EDA: variants seen among roughly 807,000 people sequenced by gnomAD.
EDA encodes the protein ectodysplasin A.
A neutral mutation model predicts 23.6 loss-of-function variants in EDA; 2 were observed. The observed-to-expected ratio is 0.08, with a 90% CI of 0.03 to 0.27. The LOEUF (loss-of-function observed/expected upper bound fraction) is 0.27, where lower values mean the gene tolerates loss of function less well. Ranked by LOEUF, EDA falls within the 10% of genes least tolerant of loss-of-function variation. The pLI is 1.00. For synonymous variants in EDA, 131 were observed against 132.0 expected (o/e 0.99, Z 0.05); for missense variants, 229 against 324.2 (o/e 0.71, Z 2.26).
intron 2 of EDA, among the ~76,000 whole-genome samples, chrX:69,997,832 A>G (rs927197096): frequency 7.1e-5 from 8 of 112,546 alleles, no homozygotes; most frequent in African/African-American, 2.6e-4. Flanking sequence ...GCAAGCCCCA[A>G]GCCATGGCAA....
intron 1 of EDA, among the ~76,000 whole-genome samples, chrX:69,669,418 C>T (rs1933803907): frequency 9.0e-6 from 1 of 111,096 alleles, no homozygotes; most frequent in South Asian, 3.8e-4. Context: ...TGAGTCCTCT[C>T]TGTTTATCAT....
chrX:69,907,081 T>C (rs2018190220), intron 1 of EDA, among the ~76,000 whole-genome samples: 1 of 111,818 alleles, frequency 8.9e-6, no homozygotes, highest in Admixed American at 9.5e-5. Flanking sequence ...TACTAGAGTT[T>C]GTAATAATGA....
chrX:69,911,927 C>T (rs920799033), intron 1 of EDA, among the ~76,000 whole-genome samples: 2 of 112,034 alleles, frequency 1.8e-5, no homozygotes, highest in Non-Finnish European at 3.8e-5. Context: ...CAATAAAGTT[C>T]GCTGCATCAA....
chrX:69,860,691 A>G (rs1370753945), intron 1 of EDA, among the ~76,000 whole-genome samples: 1 of 110,898 alleles, frequency 9.0e-6, no homozygotes, highest in Non-Finnish European at 1.9e-5. Context: ...GGAAAATCTG[A>G]TGATTATGTG....
intron 1 of EDA, among the ~76,000 whole-genome samples, chrX:69,837,299 C>T (rs1403366431): frequency 8.9e-6 from 1 of 111,768 alleles, no homozygotes; most frequent in Admixed American, 9.5e-5. Context: ...ACAGTCAGTC[C>T]ATGGTGCTGC....
intron 1 of EDA, among the ~76,000 whole-genome samples, chrX:69,843,750 C>T (rs1479905837): frequency 1.8e-5 from 2 of 111,241 alleles, no homozygotes; most frequent in Admixed American, 9.5e-5. Flanking sequence ...TAGCCGGGTG[C>T]GGTGGCTCAC....
In EDA at chrX:69,976,066, A is replaced by T. The variant is rs1432917230; in HGVS notation, c.502+18934A>T. Among the ~76,000 whole-genome samples the T allele has an allele frequency of 1.9e-4, 21 of 110,757 alleles. No homozygotes were observed. The Admixed American group carries it at 1.9e-3, about 10-fold the overall frequency. Reference sequence around the variant, plus strand: ...TTTTTAGGTTTAATAATTCTAATTTATTTTTTTTCAGGGCTTCTGAAACCT... The same window carrying T: ...TTTTTAGGTTTAATAATTCTAATTTTTTTTTTTTCAGGGCTTCTGAAACCT... On this transcript the variant is annotated intron_variant, in intron 2 of 7. Transcript: ENST00000374552.
intron 7 of EDA, among the ~76,000 whole-genome samples, chrX:70,034,579 G>A (rs779371075): frequency 1.8e-5 from 2 of 111,637 alleles, no homozygotes; most frequent in South Asian, 3.8e-4. Flanking sequence ...TAAGGGTAGT[G>A]AAGGATGGAA....
intron 1 of EDA, among the ~76,000 whole-genome samples, chrX:69,655,132 A>C (rs1933261113): frequency 8.9e-6 from 1 of 111,984 alleles, no homozygotes; most frequent in African/African-American, 3.2e-5. Flanking sequence ...GCGGTGGCTC[A>C]CGCCTGGAAT....
intron 1 of EDA, among the ~76,000 whole-genome samples, chrX:69,706,212 A>G (rs1177468635): frequency 2.7e-5 from 3 of 111,853 alleles, no homozygotes; most frequent in Non-Finnish European, 5.6e-5. Flanking sequence ...ATTAATGCAT[A>G]GGGCAGACAA....
At chrX:69,678,946 T>C (rs200123401) in intron 1 of EDA, among the ~76,000 whole-genome samples, 131 of 80,579 alleles carry the variant, frequency 1.6e-3, no homozygotes, top group South Asian at 2.1e-3. Flanking sequence ...CAGTATGATA[T>C]TGGCTGTGGG....
chrX:69,789,771 T>C (rs141082338), intron 1 of EDA, among the ~76,000 whole-genome samples: 95 of 112,284 alleles, frequency 8.5e-4, no homozygotes, highest in Non-Finnish European at 1.5e-3. Flanking sequence ...AGGATGCAGT[T>C]ATACAGTCTC....
Position 70,029,539 on chromosome X carries a change from G to C in EDA, c.741+1G>C. ...TAAAGCTGGAACTCGAGAAAACCAG[G>C]TTGGCTGGGGATTGCTCTCTTCCTG... On this transcript the variant is annotated splice_donor_variant, in intron 5 of 7. Transcript: ENST00000374552. LOFTEE classifies it high-confidence loss of function. 8.3e-7 allele frequency: 1 copy of C among 1,211,799 alleles called. No homozygotes were observed. The highest frequency in any genetic ancestry group is 1.1e-6 in the Non-Finnish European group (1 of 895,261).
intron 1 of EDA, among the ~76,000 whole-genome samples, chrX:69,645,603 T>TGTGTGG (rs2147235670): frequency 2.1e-5 from 1 of 47,023 alleles, no homozygotes; most frequent in Non-Finnish European, 3.3e-5. Flanking sequence ...TGTGTGTGTG[T>TGTGTGG]ATATATATAT....
At chrX:69,870,813 G>A (rs2017555008) in intron 1 of EDA, among the ~76,000 whole-genome samples, 1 of 111,454 alleles carries the variant, frequency 9.0e-6, no homozygotes, top group Non-Finnish European at 1.9e-5. Flanking sequence ...CACTCGTATA[G>A]TAAGAGCTTG....
At chrX:69,755,181 G>A (rs1032039245) in intron 1 of EDA, among the ~76,000 whole-genome samples, 4 of 111,529 alleles carry the variant, frequency 3.6e-5, no homozygotes, top group Non-Finnish European at 7.5e-5. Context: ...GTTTCTCCCC[G>A]TCTTTGTGGT....
chrX:69,655,772 A>ATCTATATATATATATCTATATATATC, intron 1 of EDA, among the ~76,000 whole-genome samples: 1 of 86,489 alleles, frequency 1.2e-5, no homozygotes, highest in African/African-American at 4.9e-5. Context: ...CTATATATAT[A>ATCTATATATATATATCTATATATATC]TATATATATA....
chrX:69,949,527 A>T (rs2018882484), intron 1 of EDA, among the ~76,000 whole-genome samples: 1 of 111,689 alleles, frequency 9.0e-6, no homozygotes, highest in African/African-American at 3.3e-5. Flanking sequence ...ATTCTGATGT[A>T]CACTGAAGTT....
rs1419882199 is a variant in EDA, at chrX:70,028,790, C to T, written c.707-714C>T. ...ATTGGAGTTGACAAGAGTCAGACTG[C>T]CTGGGCTAATGTCAGTTGTTATTTC... On this transcript the variant is annotated intron_variant, in intron 4 of 7. Coordinates refer to ENST00000374552, the MANE Select transcript of EDA (RefSeq NM_001399.5). Among the ~76,000 whole-genome samples, 33 of 112,927 alleles carry T rather than the reference C, an allele frequency of 2.9e-4. 1 individual carries two copies. The Admixed American group carries it at 3.1e-3, about 11-fold the overall frequency.
Sources: allele counts gnomAD v4.1 joint callset (sites outside exome capture counted in the v4.1 genomes callset), GRCh38; gene constraint gnomAD v4.1.1; transcripts MANE v1.5; gene names NCBI Gene and HGNC (gene_info 2026-07-23, HGNC 2026-07-21).